Variants in NYAP2 observed in about 807,000 individuals in gnomAD.
NYAP2 encodes the protein neuronal tyrosine-phosphorylated phosphoinositide-3-kinase adaptor 2.
In NYAP2, 23 loss-of-function variants were observed where a neutral mutation model predicts 50.4. The observed-to-expected ratio is 0.46, with a 90% CI of 0.33 to 0.65. The LOEUF (loss-of-function observed/expected upper bound fraction) is 0.65, where lower values mean the gene tolerates loss of function less well. Among genes scored for constraint, NYAP2 ranks in the 30% least tolerant of loss-of-function variants. The probability of loss-of-function intolerance (pLI) is 0.02; values close to 1 mark genes in which losing one functional copy is unlikely to be tolerated. For synonymous variants in NYAP2, 394 were observed against 365.2 expected, an observed-to-expected ratio of 1.08 and a Z score of -0.90; for missense variants, 885 against 861.0, an observed-to-expected ratio of 1.03 and a Z score of -0.35.
the NYAP2 span, among the ~76,000 whole-genome samples, chr2:225,696,337 A>G: frequency 6.6e-6 from 1 of 151,964 alleles, no homozygotes; most frequent in Non-Finnish European, 1.5e-5. Flanking sequence ...CATGCCTGGC[A>G]GAGCATAGGT....
chr2:225,574,603 A>G (rs952700512), intron 4 of NYAP2, among the ~76,000 whole-genome samples: 7 of 151,938 alleles, frequency 4.6e-5, no homozygotes, highest in Non-Finnish European at 7.3e-5. Context: ...ATTTTAAACT[A>G]TCTCTCTCCT....
At chr2:225,500,900 T>C (rs1223047157) in intron 3 of NYAP2, among the ~76,000 whole-genome samples, 1 of 152,114 alleles carries the variant, frequency 6.6e-6, no homozygotes, top group African/African-American at 2.4e-5. Flanking sequence ...TTATGGAGAA[T>C]AGAGATTTTG....
intron 3 of NYAP2, among the ~76,000 whole-genome samples, chr2:225,460,969 A>C (rs1319128621): frequency 7.4e-6 from 1 of 135,402 alleles, no homozygotes; most frequent in Non-Finnish European, 1.5e-5. Context: ...CTCCTGCCTG[A>C]GCGACAGAGC....
At chr2:225,400,410 T>A (rs1292218871) in intron 1 of NYAP2, among the ~76,000 whole-genome samples, 151 bp from the exon 2 acceptor site, 2 of 151,452 alleles carry the variant, frequency 1.3e-5, no homozygotes, top group Non-Finnish European at 3.0e-5. Context: ...AGAGAGCTGG[T>A]TGTCACGGGG....
At chr2:225,691,374 G>T in the NYAP2 span, among the ~76,000 whole-genome samples, 1 of 151,984 alleles carries the variant, frequency 6.6e-6, no homozygotes, top group Non-Finnish European at 1.5e-5. Flanking sequence ...TAATTTCCAT[G>T]TGTCATGAAA....
chr2:225,632,263 T>G (rs1214387741), intron 6 of NYAP2, among the ~76,000 whole-genome samples: 1 of 152,184 alleles, frequency 6.6e-6, no homozygotes. Flanking sequence ...CTCCTTCTCT[T>G]TATACTTCCT....
At chr2:225,467,983 G>T (rs1689948948) in intron 3 of NYAP2, among the ~76,000 whole-genome samples, 2 of 152,122 alleles carry the variant, frequency 1.3e-5, no homozygotes, top group South Asian at 2.1e-4. Context: ...GTTCAAAAAA[G>T]GGTGAACTGG....
intron 4 of NYAP2, among the ~76,000 whole-genome samples, chr2:225,551,603 T>C (rs1691676227): frequency 6.6e-6 from 1 of 152,204 alleles, no homozygotes; most frequent in Non-Finnish European, 1.5e-5. Flanking sequence ...GTAATGTCTA[T>C]CCTTTGTAGG....
chr2:225,622,230 C>T (rs561586668), intron 5 of NYAP2, among the ~76,000 whole-genome samples: 2 of 152,226 alleles, frequency 1.3e-5, no homozygotes, highest in South Asian at 4.2e-4. Flanking sequence ...CAGTGTCTCA[C>T]TATGTTGCCC....
At chr2:225,457,149 A>C (rs143764862) in intron 3 of NYAP2, among the ~76,000 whole-genome samples, 167 of 152,328 alleles carry the variant, frequency 1.1e-3, no homozygotes, top group African/African-American at 3.7e-3. Context: ...GTCCTACGCT[A>C]TGCGGAGTGA....
chr2:225,489,760 C>T (rs549349577), intron 3 of NYAP2, among the ~76,000 whole-genome samples: 13 of 152,134 alleles, frequency 8.5e-5, no homozygotes, highest in Non-Finnish European at 1.5e-4. Flanking sequence ...GGATTCTCAA[C>T]CCTTAACTGG....
At chr2:225,499,289 T>A (rs1299408668) in intron 3 of NYAP2, among the ~76,000 whole-genome samples, 1 of 151,770 alleles carries the variant, frequency 6.6e-6, no homozygotes, top group African/African-American at 2.4e-5. Flanking sequence ...TAAAACTTTC[T>A]AGTTTATGCC....
rs186259554 is a variant in NYAP2, at chr2:225,430,201, C to A, written c.221+21100C>A. On this transcript the variant is annotated intron_variant, in intron 3 of 6. Transcript: ENST00000636099. ...CAACTTAGATTTTCTCAAAATAATC[C>A]TTTCTATTGAACTCACCATGACTGG... is the stretch of plus-strand genomic sequence containing the variant. 1.6e-3 allele frequency among the ~76,000 whole-genome samples: 243 copies of A among 152,060 alleles called. 1 individual carries two copies. The highest frequency in any genetic ancestry group is 2.9e-3 in the Non-Finnish European group (194 of 67,978).
chr2:225,453,246 T>C (rs1458008028), intron 3 of NYAP2, among the ~76,000 whole-genome samples: 1 of 152,178 alleles, frequency 6.6e-6, no homozygotes, highest in African/African-American at 2.4e-5. Flanking sequence ...AACACTGAAA[T>C]AAACAGGGAA....
chr2:225,404,066 T>G (rs2106115972), intron 2 of NYAP2, among the ~76,000 whole-genome samples: 1 of 152,102 alleles, frequency 6.6e-6, no homozygotes, highest in East Asian at 1.9e-4. Context: ...CTCTATACCT[T>G]GGGGAACTCA....
rs1559177028 is a variant in NYAP2 at position 225,428,072 on chromosome 2, G to A, written c.221+18971G>A. The stretch of plus-strand genomic sequence containing the variant: ...GGAGGATCTGATGGGTATGCAAAAG[G>A]GGTTGATTTTTCCTCTTTCAGTCTT... On this transcript the variant is annotated intron_variant, in intron 3 of 6. Coordinates refer to ENST00000636099, the Ensembl canonical transcript of NYAP2. Among the ~76,000 whole-genome samples, 4 of 152,046 alleles carry A rather than the reference G, an allele frequency of 2.6e-5. No homozygotes were observed. In the South Asian group the frequency reaches 8.3e-4, roughly 32 times the overall value.
intron 4 of NYAP2, among the ~76,000 whole-genome samples, chr2:225,544,412 T>G (rs541980723): frequency 7.9e-5 from 12 of 152,136 alleles, no homozygotes; most frequent in African/African-American, 2.2e-4. Flanking sequence ...TCTTGCTTTT[T>G]TGTGTGTGTG....
chr2:225,666,634 A>G, the NYAP2 span, among the ~76,000 whole-genome samples: 4 of 152,274 alleles, frequency 2.6e-5, no homozygotes, highest in South Asian at 8.3e-4. Flanking sequence ...ATAGAAAGGA[A>G]ATATTCAGGT....
chr2:225,644,138 A>C (rs1693585437), intron 6 of NYAP2, among the ~76,000 whole-genome samples: 1 of 152,012 alleles, frequency 6.6e-6, no homozygotes, highest in South Asian at 2.1e-4. Flanking sequence ...TCGCCATTCT[A>C]ACTGGTGTGA....
Sources: gnomAD v4.1 joint callset for allele counts (sites outside exome capture counted in the v4.1 genomes callset) on GRCh38, gnomAD v4.1.1 for gene constraint, MANE v1.5 for transcripts, NCBI Gene and HGNC (gene_info 2026-07-23, HGNC 2026-07-21) for gene names.